The following FAXDC2 variants were observed in gnomAD, a reference collection of about 807,000 sequenced individuals.
FAXDC2 encodes the protein fatty acid hydroxylase domain containing 2, also known as fatty acid hydroxylase domain-containing protein 2.
FAXDC2 carries 41 observed loss-of-function variants against 40.9 expected under a neutral mutation model. The ratio of observed to expected loss-of-function variants is 1.00; its 90% CI spans 0.78 to 1.30. The LOEUF (loss-of-function observed/expected upper bound fraction) is 1.30, where lower values mean the gene tolerates loss of function less well. Among genes scored for constraint, FAXDC2 ranks in the 50% most tolerant of loss-of-function variants. FAXDC2 has a pLI of 0.00. For synonymous variants in FAXDC2, 157 were observed against 149.3 expected (o/e 1.05, Z -0.38); for missense variants, 390 against 408.8 (o/e 0.95, Z 0.40).
intron 1 of FAXDC2, among the ~76,000 whole-genome samples, chr5:154,841,768 C>CTCTG (rs1207586592): frequency 2.0e-5 from 3 of 150,726 alleles, no homozygotes; most frequent in African/African-American, 7.3e-5. Context: ...GGCAGTCTCA[C>CTCTG]TCTGTCGCCC....
chr5:154,824,636 C>A (rs1759976839), intron 5 of FAXDC2: 1 of 696,404 alleles, frequency 1.4e-6, no homozygotes, highest in Non-Finnish European at 2.6e-6. Flanking sequence ...TCACATCTAT[C>A]TATTCATTTA....
chr5:154,826,543 A>G (rs563408479), intron 5 of FAXDC2, among the ~76,000 whole-genome samples: 236 of 151,474 alleles, frequency 1.6e-3, no homozygotes, highest in South Asian at 4.6e-3. Context: ...AAAAAAAAAA[A>G]AAAGAAAAGA....
rs1343875799 is a variant in FAXDC2, at chr5:154,819,257, C to A, written c.*1059G>T. On this transcript the variant is annotated 3_prime_UTR_variant, in exon 9 of 9. Coordinates refer to ENST00000326080, the MANE Select transcript of FAXDC2 (RefSeq NM_032385.5). ...CCACAGGGTTCCTGGCCATGTCTGGCGGCTGAGAGGAGGCCAGGATGGGGA... is the reference window on the plus strand; with the variant it reads ...CCACAGGGTTCCTGGCCATGTCTGGAGGCTGAGAGGAGGCCAGGATGGGGA... 6.6e-6 allele frequency: 1 copy of A among 152,168 alleles called. No individual in the cohort carries two copies. The highest frequency in any genetic ancestry group is 1.5e-5 in the Non-Finnish European group (1 of 68,034). The allele number at this position is 152,168 out of a possible 1,614,324, so 9.4% of individuals were successfully genotyped here.
chr5:154,845,585 T>A (rs1469008764), intron 1 of FAXDC2, among the ~76,000 whole-genome samples: 2 of 151,322 alleles, frequency 1.3e-5, no homozygotes, highest in South Asian at 2.1e-4. Flanking sequence ...AGTATTAATA[T>A]AAAAAAAATT....
intron 1 of FAXDC2, among the ~76,000 whole-genome samples, chr5:154,844,075 T>C (rs920863277): frequency 2.6e-5 from 4 of 151,936 alleles, no homozygotes; most frequent in African/African-American, 9.7e-5. Context: ...AAAAATTAGC[T>C]GGGCATGGTG....
intron 6 of FAXDC2, 61 bp from the exon 7 acceptor site, chr5:154,822,638 C>A: frequency 7.6e-7 from 1 of 1,313,990 alleles, no homozygotes; most frequent in Admixed American, 1.7e-5. Flanking sequence ...CCCGACCAGA[C>A]CATGAGAAAC....
chr5:154,823,759 A>G, intron 5 of FAXDC2, 167 bp from the exon 6 acceptor site: 1 of 613,600 alleles, frequency 1.6e-6, no homozygotes. Flanking sequence ...ACGTTGCAGA[A>G]TAAGGCCCTG....
chr5:154,820,220 C>T lies in FAXDC2; in HGVS notation c.*96G>A, dbSNP rs1582516340. On this transcript the variant is annotated 3_prime_UTR_variant, in exon 9 of 9. Coordinates refer to ENST00000326080, the MANE Select transcript of FAXDC2 (RefSeq NM_032385.5). ...TACCCTGGTGGTGCCATCATTAGGG[C>T]GTGTGGCCGAAGGAGGCAAATTGTT... 1.1e-5 allele frequency: 11 copies of T among 983,904 alleles called. No individual in the cohort carries two copies. In the East Asian group the frequency reaches 2.2e-4, roughly 19 times the overall value. 60.9% of individuals were successfully genotyped at this position (983,904 alleles called of 1,614,324 possible).
chr5:154,837,930 C>T (rs1743881199), intron 2 of FAXDC2, among the ~76,000 whole-genome samples: 1 of 152,190 alleles, frequency 6.6e-6, no homozygotes, highest in Non-Finnish European at 1.5e-5. Context: ...CATTCGCAGT[C>T]TGCATTCAGG....
Position 154,838,258 on chromosome 5 carries a change from T to C in FAXDC2, c.1-80A>G, listed in dbSNP as rs1344467059. On this transcript the variant is annotated intron_variant, in intron 1 of 8. Transcript: ENST00000326080. ...AAGTAGGGAGTGGAGAAAGTCAAAGTGTATGGCTAGCAGTGATTTTTGAAA... is the reference window on the plus strand; with the variant it reads ...AAGTAGGGAGTGGAGAAAGTCAAAGCGTATGGCTAGCAGTGATTTTTGAAA... 19 of 1,318,618 alleles carry C rather than the reference T, an allele frequency of 1.4e-5. No homozygotes were observed. The East Asian group carries it at 4.3e-4, about 30-fold the overall frequency. 81.7% of individuals were successfully genotyped at this position (1,318,618 alleles called of 1,614,324 possible).
intron 1 of FAXDC2, among the ~76,000 whole-genome samples, chr5:154,839,228 C>T (rs539405028): frequency 1.3e-5 from 2 of 148,968 alleles, no homozygotes; most frequent in South Asian, 2.1e-4. Context: ...CAGGAGGCTG[C>T]GGCAGGAGAA....
At chr5:154,849,279 C>CA (rs1582545864) in intron 1 of FAXDC2, among the ~76,000 whole-genome samples, 1 of 151,444 alleles carries the variant, frequency 6.6e-6, no homozygotes, top group Admixed American at 6.6e-5. Context: ...GATTCCATCT[C>CA]AAAAAACAAA....
At chr5:154,828,296 TTTTTGTTTTG>T (rs550510850) in intron 5 of FAXDC2, among the ~76,000 whole-genome samples, 8 of 152,230 alleles carry the variant, frequency 5.3e-5, no homozygotes, top group South Asian at 2.1e-4. Flanking sequence ...GGTGGGGTTT[TTTTTGTTTTG>T]TTTTGTTTTG....
rs1410068731 is a variant in FAXDC2 at position 154,819,422 on chromosome 5, C to T, written c.*894G>A. The T allele has an allele frequency of 1.3e-5, 2 of 152,138 alleles. No homozygotes were observed. Among genetic ancestry groups the T allele is most frequent in the East Asian group, 1.9e-4 (1 of 5,188 alleles). 9.4% of individuals were successfully genotyped at this position (152,138 alleles called of 1,614,324 possible). A position where few individuals can be genotyped will look rare whatever the true frequency, so the allele number is the denominator to read the frequency against. On this transcript the variant is annotated 3_prime_UTR_variant, in exon 9 of 9. Transcript: ENST00000326080. The stretch of plus-strand genomic sequence containing the variant: ...TTGCTCTGCCATGTTTTTCCGGGCT[C>T]TTTCTTCGGGGAGAAAGAGGGCTCT...
intron 8 of FAXDC2, 190 bp downstream of exon 8, chr5:154,821,070 T>C (rs1759875726): frequency 3.5e-6 from 2 of 575,840 alleles, no homozygotes; most frequent in African/African-American, 2.0e-5. Context: ...AAACCCCCAG[T>C]TGGAGGAGGA....
At position 154,834,741 on chromosome 5, in the gene FAXDC2, A is replaced by C. The variant is rs1331004815; in HGVS notation, c.141-13T>G. 1.9e-6 allele frequency: 3 copies of C among 1,613,232 alleles called. No individual in the cohort carries two copies. The highest frequency in any genetic ancestry group is 2.2e-5 in the East Asian group (1 of 44,876). On this transcript the variant is annotated splice_polypyrimidine_tract_variant and intron_variant, in intron 3 of 8. Transcript: ENST00000326080. The stretch of plus-strand genomic sequence containing the variant: ...TCTCTGAAGATGCCTTGGAAAAAAA[A>C]CCAGGTTTCTGGGTGAAGACTAGTG...
intron 6 of FAXDC2, 56 bp from the exon 7 acceptor site, chr5:154,822,633 C>G: frequency 6.9e-7 from 1 of 1,459,046 alleles, no homozygotes; most frequent in Non-Finnish European, 9.6e-7. Context: ...CCCTCCCCGA[C>G]CAGACCATGA....
At position 154,818,598 on chromosome 5, in the gene FAXDC2, G is replaced by A. The variant is rs997188325; in HGVS notation, c.*1718C>T. The A allele has an allele frequency of 6.6e-6, 1 of 152,122 alleles. No individual in the cohort carries two copies. The highest frequency in any genetic ancestry group is 2.4e-5 in the African/African-American group (1 of 41,430). The allele number at this position is 152,122 out of a possible 1,614,324, so 9.4% of individuals were successfully genotyped here. A position where few individuals can be genotyped will look rare whatever the true frequency, so the allele number is the denominator to read the frequency against. On this transcript the variant is annotated 3_prime_UTR_variant, in exon 9 of 9. Transcript: ENST00000326080. The stretch of plus-strand genomic sequence containing the variant: ...TATACCAACCTCAAGGATTTTGTTT[G>A]ATACAGAAAAGGATAGGGCTGGGCC...
intron 2 of FAXDC2, among the ~76,000 whole-genome samples, chr5:154,837,216 ACT>A (rs145240877): frequency 8.7e-5 from 13 of 148,732 alleles, no homozygotes; most frequent in East Asian, 5.9e-4. Context: ...ACGTGCACAC[ACT>A]CTCTCTCTCT....
Sources: gnomAD v4.1 joint callset for allele counts (sites outside exome capture counted in the v4.1 genomes callset) on GRCh38, gnomAD v4.1.1 for gene constraint, MANE v1.5 for transcripts, NCBI Gene and HGNC (gene_info 2026-07-23, HGNC 2026-07-21) for gene names.